KPNA6: variants seen among roughly 807,000 people sequenced by gnomAD.
The protein encoded by KPNA6 is importin subunit alpha-7.
A neutral mutation model predicts 72.0 loss-of-function variants in KPNA6; 9 were observed. That is an observed-to-expected ratio of 0.13 (90% CI 0.08 to 0.22). The LOEUF (loss-of-function observed/expected upper bound fraction) is 0.22, where lower values mean the gene tolerates loss of function less well. KPNA6 is among the 10% of genes least tolerant of loss of function. KPNA6 has a pLI of 1.00. For missense variants in KPNA6, 374 were observed against 655.7 expected (o/e 0.57, Z 4.69); for synonymous variants, 219 against 242.1 (o/e 0.90, Z 0.89).
chr1:32,168,347 G>A (rs1037183063), intron 12 of KPNA6, among the ~76,000 whole-genome samples: 2 of 152,126 alleles, frequency 1.3e-5, no homozygotes, highest in East Asian at 3.9e-4. Flanking sequence ...GTGCCACCAC[G>A]CCCGGCTAAT....
intron 1 of KPNA6, among the ~76,000 whole-genome samples, chr1:32,119,113 C>T (rs1305035238): frequency 6.8e-6 from 1 of 147,024 alleles, no homozygotes; most frequent in Non-Finnish European, 1.5e-5. Flanking sequence ...TCACTGCAAC[C>T]TCCACCTCCT....
intron 6 of KPNA6, among the ~76,000 whole-genome samples, chr1:32,160,017 C>T (rs1463171179): frequency 6.6e-6 from 1 of 152,168 alleles, no homozygotes; most frequent in Non-Finnish European, 1.5e-5. Flanking sequence ...GTGCAACTTT[C>T]GCCAGGCGCG....
At chr1:32,148,281 T>C (rs552908888) in intron 1 of KPNA6, among the ~76,000 whole-genome samples, 14 of 151,890 alleles carry the variant, frequency 9.2e-5, no homozygotes, top group Non-Finnish European at 1.6e-4. Context: ...ATTGGTTTTT[T>C]AGTAGGTGCC....
At chr1:32,161,895 G>C in intron 7 of KPNA6, 52 bp from the exon 8 acceptor site, 9 of 1,380,674 alleles carry the variant, frequency 6.5e-6, no homozygotes, top group Non-Finnish European at 8.2e-6. Context: ...ATTGGCAACA[G>C]TCCTATGCCA....
intron 13 of KPNA6, among the ~76,000 whole-genome samples, 181 bp from the exon 14 acceptor site, chr1:32,170,526 T>G (rs1166329245): frequency 1.3e-5 from 2 of 152,210 alleles, no homozygotes; most frequent in Non-Finnish European, 2.9e-5. Flanking sequence ...CTCTTTCCTT[T>G]GGGATTCTGT....
chr1:32,134,630 T>A, intron 1 of KPNA6, among the ~76,000 whole-genome samples: 1 of 146,522 alleles, frequency 6.8e-6, no homozygotes, highest in African/African-American at 2.5e-5. Flanking sequence ...AGAGCAAGAG[T>A]CTGTCTCAAA....
rs747593439 is a variant in KPNA6, at chr1:32,108,101, C to T, written c.-30C>T. The T allele has an allele frequency of 1.9e-6, 3 of 1,613,974 alleles. No individual in the cohort carries two copies. The highest frequency in any genetic ancestry group is 2.2e-5 in the South Asian group (2 of 91,078). Reference sequence around the variant, plus strand: ...CCGCTGAAGCTGCCGCCGTTGCCTCCGCCGCCAAGAGTGAGCGAGCGGACC... The same window carrying T: ...CCGCTGAAGCTGCCGCCGTTGCCTCTGCCGCCAAGAGTGAGCGAGCGGACC... On this transcript the variant is annotated 5_prime_UTR_variant, in exon 1 of 14. Transcript: ENST00000373625.
intron 1 of KPNA6, among the ~76,000 whole-genome samples, chr1:32,109,645 ATCT>A (rs1442946347): frequency 1.4e-5 from 2 of 138,798 alleles, no homozygotes; most frequent in East Asian, 2.2e-4. Context: ...CCATTATGAA[ATCT>A]TTTTTTTTTT....
intron 1 of KPNA6, among the ~76,000 whole-genome samples, chr1:32,138,804 G>C (rs1641787000): frequency 1.3e-5 from 2 of 152,174 alleles, no homozygotes; most frequent in African/African-American, 4.8e-5. Context: ...TGACAAATTA[G>C]AAAGCTGAAT....
chr1:32,120,576 TA>T (rs1482935508), intron 1 of KPNA6, among the ~76,000 whole-genome samples: 1 of 151,516 alleles, frequency 6.6e-6, no homozygotes. Flanking sequence ...ATTAATTAAT[TA>T]TTTTTTTGAG....
chr1:32,120,137 A>G (rs1641406357), intron 1 of KPNA6, among the ~76,000 whole-genome samples: 2 of 152,094 alleles, frequency 1.3e-5, no homozygotes, highest in African/African-American at 4.8e-5. Flanking sequence ...ATAGCCTGAG[A>G]ATTGTCTGTC....
chr1:32,164,804 A>G (rs558557683), intron 10 of KPNA6, among the ~76,000 whole-genome samples: 15 of 150,974 alleles, frequency 9.9e-5, no homozygotes, highest in African/African-American at 3.2e-4. Flanking sequence ...CTGGATATTA[A>G]TCTCTTATCA....
intron 1 of KPNA6, among the ~76,000 whole-genome samples, chr1:32,141,191 G>A (rs995294836): frequency 3.3e-5 from 5 of 151,842 alleles, no homozygotes; most frequent in African/African-American, 1.2e-4. Context: ...AATCTGGTAT[G>A]GTGGTGGAGG....
intron 1 of KPNA6, among the ~76,000 whole-genome samples, chr1:32,149,559 C>A (rs1641992592): frequency 6.6e-6 from 1 of 152,116 alleles, no homozygotes; most frequent in African/African-American, 2.4e-5. Context: ...GCGAATGGGC[C>A]ATGCTTCCCT....
chr1:32,128,387 T>TTATATATATATATATATATTTATA (rs1641572236), intron 1 of KPNA6, among the ~76,000 whole-genome samples: 1 of 72,168 alleles, frequency 1.4e-5, no homozygotes, highest in East Asian at 3.9e-4. Context: ...ATATATGTAT[T>TTATATATATATATATATATTTATA]TATATATATA....
chr1:32,128,418 T>C (rs1419677937), intron 1 of KPNA6, among the ~76,000 whole-genome samples: 27 of 124,238 alleles, frequency 2.2e-4, no homozygotes, highest in African/African-American at 8.3e-4. Context: ...TATATATATA[T>C]ATATATATAC....
intron 6 of KPNA6, 126 bp from the exon 7 acceptor site, chr1:32,160,489 G>C (rs1012159162): frequency 1.4e-6 from 1 of 703,398 alleles, no homozygotes; most frequent in African/African-American, 1.8e-5. Flanking sequence ...ACCTGAGCTT[G>C]TGTAGTATAT....
intron 1 of KPNA6, among the ~76,000 whole-genome samples, chr1:32,137,666 A>G (rs912692404): frequency 2.0e-5 from 3 of 152,204 alleles, no homozygotes; most frequent in Admixed American, 2.0e-4. Context: ...TCTTGTTCTC[A>G]AAGATTTAAT....
At chr1:32,121,027 C>T (rs1366526015) in intron 1 of KPNA6, among the ~76,000 whole-genome samples, 1 of 152,132 alleles carries the variant, frequency 6.6e-6, no homozygotes, top group Non-Finnish European at 1.5e-5. Flanking sequence ...CAGGCATGTG[C>T]CACCATGCCC....
Sources: allele counts gnomAD v4.1 joint callset (sites outside exome capture counted in the v4.1 genomes callset), GRCh38; gene constraint gnomAD v4.1.1; transcripts MANE v1.5; gene names NCBI Gene and HGNC (gene_info 2026-07-23, HGNC 2026-07-21).